The following NKAIN2 variants were observed in gnomAD, a reference collection of about 807,000 sequenced individuals.
NKAIN2 encodes sodium/potassium transporting ATPase interacting 2.
In NKAIN2, 14 loss-of-function variants were observed where a neutral mutation model predicts 32.6. The observed-to-expected ratio is 0.43, with a 90% CI of 0.28 to 0.67. NKAIN2 has a LOEUF of 0.67. NKAIN2 is among the 30% of genes least tolerant of loss of function. NKAIN2 has a pLI of 0.17. For missense variants in NKAIN2, 198 were observed against 258.3 expected, an observed-to-expected ratio of 0.77 and a Z score of 1.60; for synonymous variants, 80 against 87.2, an observed-to-expected ratio of 0.92 and a Z score of 0.46.
At chr6:123,879,089 A>G (rs1773320580) in intron 1 of NKAIN2, among the ~76,000 whole-genome samples, 2 of 152,224 alleles carry the variant, frequency 1.3e-5, no homozygotes, top group Admixed American at 1.3e-4. Flanking sequence ...GTACTATGAC[A>G]TGCAAATAAT....
At chr6:124,147,004 T>A (rs1437690676) in intron 1 of NKAIN2, among the ~76,000 whole-genome samples, 1 of 152,176 alleles carries the variant, frequency 6.6e-6, no homozygotes, top group Non-Finnish European at 1.5e-5. Flanking sequence ...TTTAAACTCT[T>A]AATATATTAC....
intron 4 of NKAIN2, among the ~76,000 whole-genome samples, chr6:124,770,423 G>A (rs186419259): frequency 1.1e-3 from 163 of 152,196 alleles, no homozygotes; most frequent in African/African-American, 3.6e-3. Context: ...TTCTCACTGT[G>A]TATCTGTGTA....
chr6:124,303,199 T>C (rs1796367259), intron 2 of NKAIN2, among the ~76,000 whole-genome samples: 1 of 152,224 alleles, frequency 6.6e-6, no homozygotes, highest in African/African-American at 2.4e-5. Flanking sequence ...TACAGAATGA[T>C]ATGATTAATT....
intron 1 of NKAIN2, among the ~76,000 whole-genome samples, chr6:124,110,683 A>G (rs1785343174): frequency 6.6e-6 from 1 of 152,078 alleles, no homozygotes; most frequent in African/African-American, 2.4e-5. Flanking sequence ...TGCTTAGGAT[A>G]ATGGCCTCCA....
At chr6:123,946,044 T>G (rs2114568791) in intron 1 of NKAIN2, among the ~76,000 whole-genome samples, 1 of 152,280 alleles carries the variant, frequency 6.6e-6, no homozygotes, top group Admixed American at 6.5e-5. Context: ...GAATAATGTA[T>G]AATTAGTAAC....
At chr6:124,506,472 G>A (rs1244542564) in intron 3 of NKAIN2, among the ~76,000 whole-genome samples, 1 of 152,208 alleles carries the variant, frequency 6.6e-6, no homozygotes, top group African/African-American at 2.4e-5. Flanking sequence ...CGAACGGTCA[G>A]TGAGTTGAAG....
chr6:123,949,779 AT>A (rs1777239095), intron 1 of NKAIN2, among the ~76,000 whole-genome samples: 2 of 152,052 alleles, frequency 1.3e-5, no homozygotes, highest in East Asian at 3.9e-4. Flanking sequence ...TTCAATTTTG[AT>A]GCTTTTTCTT....
chr6:124,488,708 T>G (rs2114718914), intron 3 of NKAIN2, among the ~76,000 whole-genome samples: 1 of 152,170 alleles, frequency 6.6e-6, no homozygotes, highest in Non-Finnish European at 1.5e-5. Context: ...GTTTGATTTC[T>G]TGGGATGGTA....
At chr6:124,502,918 A>G (rs1778349612) in intron 3 of NKAIN2, among the ~76,000 whole-genome samples, 1 of 152,114 alleles carries the variant, frequency 6.6e-6, no homozygotes, top group Non-Finnish European at 1.5e-5. Flanking sequence ...CTGTTCCAGA[A>G]TTGTTCTGGC....
intron 3 of NKAIN2, among the ~76,000 whole-genome samples, chr6:124,520,817 A>C (rs1488679115): frequency 6.6e-6 from 1 of 152,226 alleles, no homozygotes; most frequent in East Asian, 1.9e-4. Flanking sequence ...TAGTCTGAGC[A>C]ATGACTATAT....
chr6:123,848,864 T>G (rs1159880362), intron 1 of NKAIN2, among the ~76,000 whole-genome samples: 4 of 152,198 alleles, frequency 2.6e-5, no homozygotes. Flanking sequence ...ACAGCATGTC[T>G]GCCAGTTTTA....
chr6:124,250,432 G>C (rs1411722757), intron 1 of NKAIN2, among the ~76,000 whole-genome samples: 1 of 151,770 alleles, frequency 6.6e-6, no homozygotes, highest in Non-Finnish European at 1.5e-5. Context: ...CAAATACAAA[G>C]GGAAGATTTT....
chr6:124,053,592 C>G (rs1343757528), intron 1 of NKAIN2, among the ~76,000 whole-genome samples: 2 of 152,014 alleles, frequency 1.3e-5, no homozygotes, highest in African/African-American at 4.8e-5. Flanking sequence ...TTAAGCAGTG[C>G]TCTCTGCTTA....
At chr6:124,721,748 G>A (rs1412429196) in intron 4 of NKAIN2, among the ~76,000 whole-genome samples, 1 of 151,992 alleles carries the variant, frequency 6.6e-6, no homozygotes, top group Non-Finnish European at 1.5e-5. Context: ...GCAATGGCCC[G>A]TTCACCCATT....
At chr6:124,648,560 T>A (rs114000615) in intron 3 of NKAIN2, among the ~76,000 whole-genome samples, 198 of 152,184 alleles carry the variant, frequency 1.3e-3, no homozygotes, top group African/African-American at 4.6e-3. Context: ...GCAAGAGAAC[T>A]GATGATATTG....
intron 5 of NKAIN2, among the ~76,000 whole-genome samples, chr6:124,801,425 A>G (rs1780250322): frequency 6.6e-6 from 1 of 152,194 alleles, no homozygotes; most frequent in African/African-American, 2.4e-5. Context: ...GGGACACTCA[A>G]ATTGACTTGC....
intron 1 of NKAIN2, among the ~76,000 whole-genome samples, chr6:123,965,992 C>T (rs1021409036): frequency 6.6e-6 from 1 of 152,168 alleles, no homozygotes. Context: ...GCTGGCCTGT[C>T]GTTCCCAAGG....
intron 5 of NKAIN2, among the ~76,000 whole-genome samples, chr6:124,801,112 CT>C (rs747949577): frequency 6.6e-6 from 1 of 152,170 alleles, no homozygotes; most frequent in African/African-American, 2.4e-5. Context: ...AAGGCCCCAA[CT>C]TTTTCATCAT....
At chr6:124,538,232 A>ACC (rs1386285643) in intron 3 of NKAIN2, among the ~76,000 whole-genome samples, 1 of 151,778 alleles carries the variant, frequency 6.6e-6, no homozygotes, top group Non-Finnish European at 1.5e-5. Context: ...CTTTTAATTT[A>ACC]TTATTATTAT....
Sources: allele counts gnomAD v4.1 joint callset (sites outside exome capture counted in the v4.1 genomes callset), GRCh38; gene constraint gnomAD v4.1.1; transcripts MANE v1.5; gene names NCBI Gene and HGNC (gene_info 2026-07-23, HGNC 2026-07-21).